Variants in STARD13 observed in about 807,000 individuals in gnomAD.
STARD13 encodes the protein stAR-related lipid transfer protein 13.
In STARD13, 62 loss-of-function variants were observed where a neutral mutation model predicts 106.4. That is an observed-to-expected ratio of 0.58 (90% CI 0.48 to 0.72). STARD13 has a LOEUF of 0.72. Ranked by LOEUF, STARD13 falls within the 30% of genes least tolerant of loss-of-function variation. The pLI, the probability that STARD13 is intolerant of heterozygous loss-of-function variation, is 0.00. For synonymous variants in STARD13, 565 were observed against 553.0 expected (o/e 1.02, Z -0.31); for missense variants, 1,387 against 1,424.0 (o/e 0.97, Z 0.42).
At chr13:33,657,359 A>G in the STARD13 span, 1 of 152,208 alleles carries the variant, frequency 6.6e-6, no homozygotes, top group Non-Finnish European at 1.5e-5. Context: ...TTGAGCATCT[A>G]GTAAGTGCCA....
At chr13:33,641,722 C>T in the STARD13 span, among the ~76,000 whole-genome samples, 8 of 152,102 alleles carry the variant, frequency 5.3e-5, no homozygotes, top group Non-Finnish European at 1.0e-4. Flanking sequence ...CATTTAATTT[C>T]CAGAAGAAGC....
chr13:33,412,450 T>C, the STARD13 span, among the ~76,000 whole-genome samples: 1 of 152,056 alleles, frequency 6.6e-6, no homozygotes, highest in Admixed American at 6.5e-5. Context: ...AAACAAAAAT[T>C]ATAATGGCAC....
chr13:33,640,796 C>T, the STARD13 span, among the ~76,000 whole-genome samples: 3 of 152,162 alleles, frequency 2.0e-5, no homozygotes, highest in African/African-American at 7.2e-5. Flanking sequence ...GGGAAAAACA[C>T]TGATAGTAGG....
intron 4 of STARD13, among the ~76,000 whole-genome samples, chr13:33,139,652 T>C (rs1879548982): frequency 6.6e-6 from 1 of 152,226 alleles, no homozygotes; most frequent in African/African-American, 2.4e-5. Context: ...TCCAAATAAA[T>C]AAATACTGAA....
chr13:33,659,552 T>G, the STARD13 span, among the ~76,000 whole-genome samples: 1 of 152,094 alleles, frequency 6.6e-6, no homozygotes, highest in Non-Finnish European at 1.5e-5. Flanking sequence ...GTCGGAGCAG[T>G]TGTGGGACTG....
At chr13:33,659,968 T>A in the STARD13 span, 2 of 152,220 alleles carry the variant, frequency 1.3e-5, no homozygotes, top group Non-Finnish European at 2.9e-5. Flanking sequence ...TGGTTTTACA[T>A]GCTATTCTTT....
intron 1 of STARD13, among the ~76,000 whole-genome samples, chr13:33,259,849 C>T (rs1250980351): frequency 6.6e-6 from 1 of 151,934 alleles, no homozygotes; most frequent in Non-Finnish European, 1.5e-5. Flanking sequence ...TGAACTGTAG[C>T]TCCTATAATT....
intron 1 of STARD13, among the ~76,000 whole-genome samples, chr13:33,341,038 T>C (rs1594284034): frequency 6.6e-6 from 1 of 152,218 alleles, no homozygotes; most frequent in East Asian, 1.9e-4. Context: ...TCAACTCTTT[T>C]AGGACTAAAC....
At chr13:33,441,770 G>T in the STARD13 span, among the ~76,000 whole-genome samples, 12 of 152,158 alleles carry the variant, frequency 7.9e-5, no homozygotes, top group African/African-American at 2.7e-4. Context: ...CCCATTGTTT[G>T]TGTTTCTCCC....
At chr13:33,355,625 A>G (rs1251708267), upstream of STARD13, 1 of 151,502 alleles carries the variant, frequency 6.6e-6, no homozygotes, top group East Asian at 1.9e-4. Context: ...GGATGTAGCA[A>G]CTCTTCCTTT....
At chr13:33,200,772 A>T (rs1886963429) in intron 1 of STARD13, among the ~76,000 whole-genome samples, 1 of 152,212 alleles carries the variant, frequency 6.6e-6, no homozygotes, top group South Asian at 2.1e-4. Flanking sequence ...CTGTAATCCC[A>T]GCACTTTGGG....
At chr13:33,207,912 C>T (rs1010041053) in intron 1 of STARD13, among the ~76,000 whole-genome samples, 2 of 152,166 alleles carry the variant, frequency 1.3e-5, no homozygotes, top group Non-Finnish European at 2.9e-5. Context: ...CTGCTCCTAC[C>T]CTGCCTGGCA....
chr13:33,422,106 A>G, the STARD13 span, among the ~76,000 whole-genome samples: 1 of 152,066 alleles, frequency 6.6e-6, no homozygotes, highest in African/African-American at 2.4e-5. Context: ...GGCAATCAGG[A>G]AAGAGAAAGA....
chr13:33,253,049 A>G (rs1890168489), intron 1 of STARD13, among the ~76,000 whole-genome samples: 1 of 152,216 alleles, frequency 6.6e-6, no homozygotes, highest in Non-Finnish European at 1.5e-5. Context: ...CAATTTTCCC[A>G]TGATACTTAG....
At chr13:33,135,685 G>A (rs532914604) in intron 4 of STARD13, among the ~76,000 whole-genome samples, 1 of 152,298 alleles carries the variant, frequency 6.6e-6, no homozygotes, top group Non-Finnish European at 1.5e-5. Flanking sequence ...CTTTTAACTT[G>A]CCTTAAAAAA....
chr13:33,590,615 C>T, the STARD13 span, among the ~76,000 whole-genome samples: 7 of 148,530 alleles, frequency 4.7e-5, no homozygotes, highest in South Asian at 2.1e-4. Context: ...AACCAAACAC[C>T]GCATGTTCTC....
At chr13:33,627,979 T>G in the STARD13 span, among the ~76,000 whole-genome samples, 1 of 151,746 alleles carries the variant, frequency 6.6e-6, no homozygotes, top group Non-Finnish European at 1.5e-5. Flanking sequence ...CTTTTTTTTT[T>G]TTTTGAGACG....
chr13:33,483,324 CAAAT>C, the STARD13 span, among the ~76,000 whole-genome samples: 3 of 151,974 alleles, frequency 2.0e-5, no homozygotes, highest in Non-Finnish European at 4.4e-5. Context: ...ATGTCAGGGC[CAAAT>C]AAATAAATGA....
At chr13:33,131,818 G>A (rs1460177500) in intron 4 of STARD13, among the ~76,000 whole-genome samples, 3 of 152,182 alleles carry the variant, frequency 2.0e-5, no homozygotes, top group East Asian at 3.8e-4. Context: ...CCTCTCTAAA[G>A]TAAGTTTCTG....
Sources: allele counts gnomAD v4.1 joint callset (sites outside exome capture counted in the v4.1 genomes callset), GRCh38; gene constraint gnomAD v4.1.1; transcripts MANE v1.5; gene names NCBI Gene and HGNC (gene_info 2026-07-23, HGNC 2026-07-21).